SEC14L5: variants seen among roughly 807,000 people sequenced by gnomAD.
SEC14L5 encodes SEC14-like protein 5.
A neutral mutation model predicts 84.6 loss-of-function variants in SEC14L5; 96 were observed. That is an observed-to-expected ratio of 1.13 (90% CI 0.96 to 1.34). SEC14L5 has a LOEUF of 1.34. Ranked by LOEUF, SEC14L5 falls within the 40% of genes most tolerant of loss-of-function variation. SEC14L5 has a pLI of 0.00. For synonymous variants in SEC14L5, 546 were observed against 383.4 expected (o/e 1.42, Z -4.95); for missense variants, 1,224 against 942.5 (o/e 1.30, Z -3.91).
intron 2 of SEC14L5, among the ~76,000 whole-genome samples, chr16:4,963,197 T>G (rs1955150792): frequency 6.6e-6 from 1 of 152,232 alleles, no homozygotes; most frequent in African/African-American, 2.4e-5. Context: ...TGAGGTAACC[T>G]TTCTAGACCT....
Position 5,000,605 on chromosome 16 carries a change from C to A in SEC14L5, c.971-50C>A, listed in dbSNP as rs751575500. Reference sequence around the variant, plus strand: ...GCAGCTGTGACCTGCCCCTCGGAAGCAGTCCTCTAAATAACGGGCTCTTCT... The same window carrying A: ...GCAGCTGTGACCTGCCCCTCGGAAGAAGTCCTCTAAATAACGGGCTCTTCT... On this transcript the variant is annotated intron_variant, in intron 8 of 15. Transcript: ENST00000251170. 1.0e-5 allele frequency: 14 copies of A among 1,397,222 alleles called. No homozygotes were observed. In the South Asian group the frequency reaches 1.6e-4, roughly 16 times the overall value. 86.6% of individuals were successfully genotyped at this position (1,397,222 alleles called of 1,614,324 possible).
At chr16:4,966,481 G>A (rs901469878) in intron 2 of SEC14L5, among the ~76,000 whole-genome samples, 2 of 149,542 alleles carry the variant, frequency 1.3e-5, no homozygotes, top group Non-Finnish European at 3.0e-5. Flanking sequence ...CATTATGTTG[G>A]CAAGGCTGGT....
intron 8 of SEC14L5, among the ~76,000 whole-genome samples, chr16:4,998,004 T>C (rs12927116): frequency 0.096 from 230 of 2,390 alleles, 34 homozygotes; most frequent in Non-Finnish European, 0.14. Flanking sequence ...ACTCTAGTTC[T>C]TTTTTTTTTT....
chr16:5,003,624 G>GGGGGGGGGGGGGGGGGGGCCCC, intron 11 of SEC14L5, 51 bp downstream of exon 11: 2 of 305,312 alleles, frequency 6.6e-6, no homozygotes, highest in Non-Finnish European at 1.3e-5. Flanking sequence ...GGTGGGATGG[G>GGGGGGGGGGGGGGGGGGGCCCC]AGGGGTTCCG....
intron 8 of SEC14L5, among the ~76,000 whole-genome samples, chr16:5,000,112 G>GA (rs1294154711): frequency 5.9e-5 from 9 of 152,010 alleles, no homozygotes; most frequent in Admixed American, 5.9e-4. Context: ...CCAAGATGGT[G>GA]AAACCCCATT....
intron 2 of SEC14L5, among the ~76,000 whole-genome samples, chr16:4,962,698 A>AACAC (rs1183621661): frequency 1.5e-3 from 225 of 151,476 alleles, no homozygotes; most frequent in African/African-American, 5.1e-3. Flanking sequence ...AAAAAAAAAA[A>AACAC]AAAAAAAAAA....
intron 10 of SEC14L5, among the ~76,000 whole-genome samples, chr16:5,001,189 G>A (rs1955672751): frequency 6.6e-6 from 1 of 151,254 alleles, no homozygotes; most frequent in African/African-American, 2.4e-5. Context: ...CTGGGGTCCT[G>A]TCTGGCTTCT....
intron 2 of SEC14L5, among the ~76,000 whole-genome samples, chr16:4,977,613 T>C (rs916370598): frequency 3.3e-5 from 5 of 151,632 alleles, no homozygotes; most frequent in Non-Finnish European, 5.9e-5. Context: ...TCACGGAAAG[T>C]GGATGCATTT....
chr16:4,987,813 G>A, intron 3 of SEC14L5, 107 bp downstream of exon 3: 1 of 841,596 alleles, frequency 1.2e-6, no homozygotes, highest in Non-Finnish European at 1.8e-6. Context: ...AGGAGGTGGA[G>A]CAGGGGCGTG....
chr16:4,994,546 G>A (rs970901674), intron 6 of SEC14L5, among the ~76,000 whole-genome samples: 1 of 152,088 alleles, frequency 6.6e-6, no homozygotes, highest in African/African-American at 2.4e-5. Context: ...GTTTCACCAT[G>A]TTGGCCATGC....
chr16:4,979,378 C>T (rs534853774), intron 2 of SEC14L5, among the ~76,000 whole-genome samples: 2 of 152,320 alleles, frequency 1.3e-5, no homozygotes, highest in South Asian at 4.1e-4. Context: ...GGGCAAGTGA[C>T]TTAAACTCTC....
Position 5,011,130 on chromosome 16 carries a change from G to C in SEC14L5, c.1836G>C (p.Leu612=). The change falls in exon 15 of 16, where the codon CTG becomes CTC. Residue 612 remains leucine, a synonymous_variant. Transcript: ENST00000251170. ...TGACCCGGTGGCCCGGCGTCTACCT[G>C]CTCCAGTGGCAAATGCACAGCCCCC... ...SHVTRWPGVY[L]LQWQMHSPPS... The C allele has an allele frequency of 6.2e-7, 1 of 1,610,628 alleles. No homozygotes were observed. Among genetic ancestry groups the C allele is most frequent in the Non-Finnish European group, 8.5e-7 (1 of 1,178,616 alleles).
At chr16:4,981,860 C>T (rs1405452025) in intron 2 of SEC14L5, among the ~76,000 whole-genome samples, 1 of 152,184 alleles carries the variant, frequency 6.6e-6, no homozygotes, top group East Asian at 1.9e-4. Flanking sequence ...ACCAGGCAGT[C>T]TGAACCCCTC....
intron 10 of SEC14L5, among the ~76,000 whole-genome samples, chr16:5,002,132 C>A (rs1050224315): frequency 6.6e-6 from 1 of 152,144 alleles, no homozygotes; most frequent in African/African-American, 2.4e-5. Context: ...AATGCAAACA[C>A]GGATCTTGCA....
chr16:5,010,246 C>T (rs1229484896), intron 14 of SEC14L5, among the ~76,000 whole-genome samples: 1 of 148,820 alleles, frequency 6.7e-6, no homozygotes, highest in Non-Finnish European at 1.5e-5. Context: ...TGCCTGTAAT[C>T]CCAGCTACTC....
intron 14 of SEC14L5, among the ~76,000 whole-genome samples, chr16:5,009,364 C>T (rs560505326): frequency 3.9e-5 from 6 of 152,140 alleles, no homozygotes; most frequent in East Asian, 3.9e-4. Context: ...GAAACTTTTG[C>T]GGGACTGGGA....
intron 2 of SEC14L5, among the ~76,000 whole-genome samples, chr16:4,962,187 AAG>A (rs1396255771): frequency 6.6e-6 from 1 of 151,740 alleles, no homozygotes; most frequent in Non-Finnish European, 1.5e-5. Context: ...AAAAAAGAAA[AAG>A]AAAAAAAGAA....
Position 5,008,607 on chromosome 16 carries a change from G to C in SEC14L5, c.1759G>C (p.Val587Leu). ...GGTCCTGGGCAGGGATTACAGCCGT[G>C]TGGAGGCTCCCCTTGTCTGCCGGGA... ...GWVLGRDYSR[V>L]EAPLVCREGE... Residue 587 changes from valine to leucine, a missense_variant, in exon 14 of 16, where the codon GTG becomes CTG. Physicochemically the swap from Val to Leu is conservative, Grantham distance 32. Transcript: ENST00000251170. 2 of 1,603,736 alleles carry C rather than the reference G, an allele frequency of 1.2e-6. No homozygotes were observed. Among genetic ancestry groups the C allele is most frequent in the Non-Finnish European group, 1.7e-6 (2 of 1,177,432 alleles).
At chr16:4,998,403 T>G (rs182572559) in intron 8 of SEC14L5, among the ~76,000 whole-genome samples, 2 of 152,066 alleles carry the variant, frequency 1.3e-5, no homozygotes, top group Admixed American at 1.3e-4. Flanking sequence ...AAATTGCCAC[T>G]GAAGCCTGTG....
Sources: gnomAD v4.1 joint callset for allele counts (sites outside exome capture counted in the v4.1 genomes callset) on GRCh38, gnomAD v4.1.1 for gene constraint, MANE v1.5 for transcripts, NCBI Gene and HGNC (gene_info 2026-07-23, HGNC 2026-07-21) for gene names.